The following FTO variants were observed in gnomAD, a reference collection of about 807,000 sequenced individuals.
FTO encodes the protein alpha-ketoglutarate-dependent dioxygenase FTO.
A neutral mutation model predicts 63.9 loss-of-function variants in FTO; 47 were observed. The ratio of observed to expected loss-of-function variants is 0.74; its 90% confidence interval spans 0.58 to 0.94. The LOEUF (loss-of-function observed/expected upper bound fraction) is 0.94, where lower values mean the gene tolerates loss of function less well. Ranked by LOEUF, FTO falls within the 40% of genes least tolerant of loss-of-function variation. The pLI is 0.00. For missense variants in FTO, 562 were observed against 618.1 expected (o/e 0.91, Z 0.96); for synonymous variants, 207 against 224.4 (o/e 0.92, Z 0.69).
chr16:53,808,932 G>A (rs184011980), intron 1 of FTO, among the ~76,000 whole-genome samples: 1 of 152,146 alleles, frequency 6.6e-6, no homozygotes, highest in African/African-American at 2.4e-5. Context: ...TCTGTTGTAT[G>A]TACCTGTCTA....
intron 1 of FTO, among the ~76,000 whole-genome samples, chr16:53,805,656 C>T (rs566792820): frequency 6.6e-6 from 1 of 152,152 alleles, no homozygotes; most frequent in South Asian, 2.1e-4. Context: ...TACCATTTTC[C>T]CCAAGCTGGT....
At chr16:53,858,652 T>C (rs2080077710) in intron 4 of FTO, among the ~76,000 whole-genome samples, 1 of 152,112 alleles carries the variant, frequency 6.6e-6, no homozygotes, top group Admixed American at 6.6e-5. Flanking sequence ...TTTGCTTTGC[T>C]TTCTTTTCTT....
chr16:53,765,454 C>G (rs979452780), intron 1 of FTO, among the ~76,000 whole-genome samples: 2 of 150,938 alleles, frequency 1.3e-5, no homozygotes, highest in African/African-American at 4.9e-5. Flanking sequence ...ACTCGGGAGG[C>G]TGAAGCAGGA....
chr16:53,969,336 A>G (rs1291148129), intron 8 of FTO, among the ~76,000 whole-genome samples: 1 of 152,146 alleles, frequency 6.6e-6, no homozygotes, highest in African/African-American at 2.4e-5. Context: ...AGCCTTAGGA[A>G]ACAGGTAAGG....
chr16:53,746,269 A>C (rs12922430), intron 1 of FTO, among the ~76,000 whole-genome samples: 1 of 152,164 alleles, frequency 6.6e-6, no homozygotes, highest in Admixed American at 6.6e-5. Flanking sequence ...TTTCCCTGCC[A>C]CAGTGACTTT....
intron 7 of FTO, among the ~76,000 whole-genome samples, chr16:53,916,980 G>A (rs866033840): frequency 1.4e-4 from 22 of 152,158 alleles, no homozygotes; most frequent in Non-Finnish European, 2.5e-4. Flanking sequence ...GTCGGGGAGA[G>A]TCCCTGATTG....
chr16:54,069,619 A>G (rs550982636), intron 8 of FTO, among the ~76,000 whole-genome samples: 2 of 152,040 alleles, frequency 1.3e-5, no homozygotes, highest in Non-Finnish European at 2.9e-5. Context: ...TTCTTTTGTA[A>G]TTAGAAAAAA....
At chr16:53,989,930 A>G (rs1001792028) in intron 8 of FTO, among the ~76,000 whole-genome samples, 1 of 152,032 alleles carries the variant, frequency 6.6e-6, no homozygotes, top group Non-Finnish European at 1.5e-5. Context: ...TGAATAGTAA[A>G]TACATTTTCT....
intron 4 of FTO, among the ~76,000 whole-genome samples, chr16:53,861,019 A>G (rs1002849590): frequency 6.6e-6 from 1 of 152,216 alleles, no homozygotes; most frequent in African/African-American, 2.4e-5. Context: ...GTAGATATAT[A>G]AAATGTTTGT....
At chr16:53,872,922 A>G (rs2080540302) in intron 4 of FTO, among the ~76,000 whole-genome samples, 1 of 152,184 alleles carries the variant, frequency 6.6e-6, no homozygotes, top group African/African-American at 2.4e-5. Context: ...GACTTGTGGT[A>G]TCATTTCTTA....
intron 6 of FTO, among the ~76,000 whole-genome samples, chr16:53,884,762 A>C (rs2080953777): frequency 6.6e-6 from 1 of 152,212 alleles, no homozygotes; most frequent in African/African-American, 2.4e-5. Context: ...ATGTGGGTTG[A>C]TTCCATTTCT....
Position 53,803,435 on chromosome 16 carries a change from T to C in FTO, c.46-6705T>C, listed in dbSNP as rs935529092. On this transcript the variant is annotated intron_variant, in intron 1 of 8. Transcript: ENST00000471389. Reference sequence around the variant, plus strand: ...GCTAAGTATTAATTAAAAAGATCTCTTTTGAAAGCCTTGTGGAGCTACCAA... The same window carrying C: ...GCTAAGTATTAATTAAAAAGATCTCCTTTGAAAGCCTTGTGGAGCTACCAA... Among the ~76,000 whole-genome samples, 16 of 152,356 alleles carry C rather than the reference T, an allele frequency of 1.1e-4. No homozygotes were observed. In the South Asian group the frequency reaches 3.1e-3, roughly 30 times the overall value.
At chr16:53,869,112 A>G (rs1352768222) in intron 4 of FTO, among the ~76,000 whole-genome samples, 1 of 152,088 alleles carries the variant, frequency 6.6e-6, no homozygotes, top group Non-Finnish European at 1.5e-5. Context: ...GATTACAGAC[A>G]TGAGCCACCA....
chr16:54,106,164 T>A (rs2086745389), intron 8 of FTO, among the ~76,000 whole-genome samples: 1 of 152,118 alleles, frequency 6.6e-6, no homozygotes, highest in South Asian at 2.1e-4. Flanking sequence ...TGGTGACCAG[T>A]GTTCACTAAT....
chr16:53,800,455 T>G (rs2078190391), intron 1 of FTO, among the ~76,000 whole-genome samples: 1 of 152,146 alleles, frequency 6.6e-6, no homozygotes, highest in African/African-American at 2.4e-5. Flanking sequence ...AAATGTCTAT[T>G]TTGCTGTTGT....
At chr16:53,952,213 C>G (rs1481285246) in intron 8 of FTO, among the ~76,000 whole-genome samples, 1 of 152,154 alleles carries the variant, frequency 6.6e-6, no homozygotes, top group African/African-American at 2.4e-5. Flanking sequence ...CACAGGTTGT[C>G]AGTGGTCAAG....
chr16:54,094,782 T>C (rs1252785551), intron 8 of FTO, among the ~76,000 whole-genome samples: 1 of 152,194 alleles, frequency 6.6e-6, no homozygotes, highest in African/African-American at 2.4e-5. Context: ...TTTTGCTTCA[T>C]CAAACGAATA....
chr16:54,014,978 C>T (rs184255253), intron 8 of FTO, among the ~76,000 whole-genome samples: 149 of 151,430 alleles, frequency 9.8e-4, no homozygotes, highest in African/African-American at 3.3e-3. Flanking sequence ...GCCTCAGCCT[C>T]TCAAGTAGCT....
chr16:53,726,511 C>T (rs1007817578), intron 1 of FTO, among the ~76,000 whole-genome samples: 5 of 152,152 alleles, frequency 3.3e-5, no homozygotes, highest in Admixed American at 2.6e-4. Context: ...GCAGAGCATG[C>T]TTAAAACCAT....
Sources: allele counts gnomAD v4.1 joint callset (sites outside exome capture counted in the v4.1 genomes callset), GRCh38; gene constraint gnomAD v4.1.1; transcripts MANE v1.5; gene names NCBI Gene and HGNC (gene_info 2026-07-23, HGNC 2026-07-21).